AUTS2: variants seen among roughly 807,000 people sequenced by gnomAD.
The protein encoded by AUTS2 is autism susceptibility gene 2 protein.
In AUTS2, 17 loss-of-function variants were observed where a neutral mutation model predicts 112.4. The ratio of observed to expected loss-of-function variants is 0.15; its 90% confidence interval spans 0.10 to 0.23. AUTS2 has a LOEUF of 0.23. AUTS2 is among the 10% of genes least tolerant of loss of function. The pLI, the probability that AUTS2 is intolerant of heterozygous loss-of-function variation, is 1.00. For synonymous variants in AUTS2, 751 were observed against 702.7 expected (o/e 1.07, Z -1.09); for missense variants, 1,510 against 1,701.6 (o/e 0.89, Z 1.98).
At chr7:70,745,667 C>A (rs184535840) in intron 6 of AUTS2, among the ~76,000 whole-genome samples, 6 of 152,284 alleles carry the variant, frequency 3.9e-5, no homozygotes, top group African/African-American at 1.4e-4. Flanking sequence ...TAACACTGCT[C>A]GCCTTTAACA....
intron 1 of AUTS2, among the ~76,000 whole-genome samples, chr7:69,702,960 TGAG>T (rs1444926363): frequency 6.6e-6 from 1 of 152,320 alleles, no homozygotes; most frequent in African/African-American, 2.4e-5. Context: ...GCATTCTAGT[TGAG>T]GAGACAGGAT....
At position 70,527,955 on chromosome 7, in the gene AUTS2, T is replaced by A. The variant is rs1243905673; in HGVS notation, c.690+92174T>A. On this transcript the variant is annotated intron_variant, in intron 5 of 18. Transcript: ENST00000342771. Reference sequence around the variant, plus strand: ...TTCCAGGATGAGGTTTCTATTTCTCTGTTGAGAGGAATTAGAGCCACTCCT... The same window carrying A: ...TTCCAGGATGAGGTTTCTATTTCTCAGTTGAGAGGAATTAGAGCCACTCCT... Among the ~76,000 whole-genome samples the A allele has an allele frequency of 2.6e-5, 4 of 152,170 alleles. No homozygotes were observed. The East Asian group carries it at 7.7e-4, about 29-fold the overall frequency.
rs145262309 is a variant in AUTS2, at chr7:69,923,643, C to G, written c.522+24145C>G. ...TTATTTCCTTCAGCAATATTTTGTA[C>G]TTTTCAGTATATAAGCCTTTCATAT... On this transcript the variant is annotated intron_variant, in intron 2 of 18. Coordinates refer to ENST00000342771, the MANE Select transcript of AUTS2 (RefSeq NM_015570.4). 5.6e-3 allele frequency among the ~76,000 whole-genome samples: 857 copies of G among 152,252 alleles called. 11 individuals are homozygous for G. Among genetic ancestry groups the G allele is most frequent in the African/African-American group, 0.02 (823 of 41,566 alleles).
intron 2 of AUTS2, among the ~76,000 whole-genome samples, chr7:70,044,981 C>G (rs1801436127): frequency 6.6e-6 from 1 of 151,200 alleles, no homozygotes; most frequent in Non-Finnish European, 1.5e-5. Flanking sequence ...TATGTTTGGC[C>G]CTACAGAGAA....
At chr7:70,696,697 T>A (rs931039345) in intron 5 of AUTS2, among the ~76,000 whole-genome samples, 25 of 147,368 alleles carry the variant, frequency 1.7e-4, no homozygotes, top group Admixed American at 6.1e-4. Flanking sequence ...ACACACACAC[T>A]AAGTGCAAAT....
At chr7:69,895,042 G>T (rs1401800260) in intron 1 of AUTS2, among the ~76,000 whole-genome samples, 1 of 152,114 alleles carries the variant, frequency 6.6e-6, no homozygotes, top group Non-Finnish European at 1.5e-5. Flanking sequence ...ACTAGAGACT[G>T]CCCAGGTTTC....
intron 14 of AUTS2, among the ~76,000 whole-genome samples, chr7:70,779,228 T>TG (rs1790902510): frequency 6.6e-6 from 1 of 152,248 alleles, no homozygotes; most frequent in South Asian, 2.1e-4. Context: ...TACTCGATAC[T>TG]GGGACTTTCA....
chr7:70,360,204 T>A (rs1000428481), intron 4 of AUTS2, among the ~76,000 whole-genome samples: 9 of 152,206 alleles, frequency 5.9e-5, no homozygotes, highest in African/African-American at 2.2e-4. Context: ...CATAGCTCAC[T>A]GGAGCCTCAA....
chr7:70,778,741 T>C (rs1790871858), intron 14 of AUTS2, among the ~76,000 whole-genome samples: 1 of 152,228 alleles, frequency 6.6e-6, no homozygotes, highest in East Asian at 1.9e-4. Flanking sequence ...AGGGGAAGTT[T>C]AATTGGAAGC....
Position 70,078,907 on chromosome 7 carries a change from G to T in AUTS2, c.523-39225G>T, listed in dbSNP as rs1016943584. On this transcript the variant is annotated intron_variant, in intron 2 of 18. Transcript: ENST00000342771. ...ATTGCATTCTGTGGATAGCAGCTAA[G>T]AGAGCTTTCAGACACATCTGTATTA... Among the ~76,000 whole-genome samples the T allele has an allele frequency of 3.9e-5, 6 of 152,226 alleles. No individual in the cohort carries two copies. In the South Asian group the frequency reaches 1.2e-3, roughly 32 times the overall value.
At chr7:70,456,191 C>T (rs941029013) in intron 5 of AUTS2, among the ~76,000 whole-genome samples, 4 of 152,220 alleles carry the variant, frequency 2.6e-5, no homozygotes, top group South Asian at 2.1e-4. Context: ...CTGGTGCCCC[C>T]AGCCACTTCC....
chr7:70,195,843 A>G (rs1810144016), intron 4 of AUTS2, among the ~76,000 whole-genome samples: 1 of 152,184 alleles, frequency 6.6e-6, no homozygotes, highest in African/African-American at 2.4e-5. Context: ...GAATTCTTTC[A>G]AGGAAAGGAA....
At chr7:69,797,426 C>T (rs771059304) in intron 1 of AUTS2, among the ~76,000 whole-genome samples, 35 of 152,318 alleles carry the variant, frequency 2.3e-4, no homozygotes, top group Non-Finnish European at 4.4e-4. Flanking sequence ...ATTTCTGGGG[C>T]TGCAAGGAAG....
Position 69,836,512 on chromosome 7 carries a change from A to G in AUTS2, c.310-62774A>G, listed in dbSNP as rs901439106. Among the ~76,000 whole-genome samples, 36 of 152,262 alleles carry G rather than the reference A, an allele frequency of 2.4e-4. 1 individual carries two copies. The highest frequency in any genetic ancestry group is 7.9e-4 in the African/African-American group (33 of 41,556). On this transcript the variant is annotated intron_variant, in intron 1 of 18. Transcript: ENST00000342771. ...TCATTGTAAAGTTAATCTTTGGTAA[A>G]TCCTTGTGTGGTGATTTTTTTTCTC...
intron 5 of AUTS2, among the ~76,000 whole-genome samples, chr7:70,638,637 CTTA>C (rs978142128): frequency 1.3e-5 from 2 of 152,134 alleles, no homozygotes; most frequent in Non-Finnish European, 2.9e-5. Context: ...TTTAGAAGCC[CTTA>C]TTATTATTTT....
chr7:69,874,795 A>G (rs978533220), intron 1 of AUTS2, among the ~76,000 whole-genome samples: 6 of 152,000 alleles, frequency 3.9e-5, no homozygotes, highest in Non-Finnish European at 5.9e-5. Context: ...AGTACCTGGG[A>G]TCATAGGCAT....
intron 2 of AUTS2, among the ~76,000 whole-genome samples, chr7:70,102,150 G>A (rs1484887871): frequency 2.3e-5 from 3 of 130,562 alleles, no homozygotes; most frequent in East Asian, 4.3e-4. Flanking sequence ...ACAGAGTCTC[G>A]CACTTTCGCC....
chr7:70,040,451 C>T (rs1362698935), intron 2 of AUTS2, among the ~76,000 whole-genome samples: 1 of 152,192 alleles, frequency 6.6e-6, no homozygotes, highest in African/African-American at 2.4e-5. Flanking sequence ...AATTAATATA[C>T]TACAGATACA....
chr7:70,543,117 T>C (rs1348600978), intron 5 of AUTS2, among the ~76,000 whole-genome samples: 1 of 152,176 alleles, frequency 6.6e-6, no homozygotes, highest in Non-Finnish European at 1.5e-5. Flanking sequence ...GTATGAGCTA[T>C]TCTGAGCAGG....
Sources: gnomAD v4.1 joint callset for allele counts (sites outside exome capture counted in the v4.1 genomes callset) on GRCh38, gnomAD v4.1.1 for gene constraint, MANE v1.5 for transcripts, NCBI Gene and HGNC (gene_info 2026-07-23, HGNC 2026-07-21) for gene names.